MTUS2: variants seen among roughly 807,000 people sequenced by gnomAD.
MTUS2 encodes microtubule associated scaffold protein 2, also known as microtubule-associated tumor suppressor candidate 2.
In MTUS2, 40 loss-of-function variants were observed where a neutral mutation model predicts 114.1. The ratio of observed to expected loss-of-function variants is 0.35; its 90% CI spans 0.27 to 0.46. The LOEUF is 0.46. Ranked by LOEUF, MTUS2 falls within the 20% of genes least tolerant of loss-of-function variation. The pLI, the probability that MTUS2 is intolerant of heterozygous loss-of-function variation, is 1.00. For synonymous variants in MTUS2, 688 were observed against 672.0 expected (o/e 1.02, Z -0.37); for missense variants, 1,679 against 1,705.4 (o/e 0.98, Z 0.27).
chr13:29,017,571 A>C (rs902983166), intron 2 of MTUS2, among the ~76,000 whole-genome samples: 3 of 152,218 alleles, frequency 2.0e-5, no homozygotes, highest in African/African-American at 7.2e-5. Context: ...ACAAATACAA[A>C]TCAAACTGAT....
intron 5 of MTUS2, among the ~76,000 whole-genome samples, chr13:29,236,902 T>G (rs1896555624): frequency 6.6e-6 from 1 of 152,340 alleles, no homozygotes; most frequent in African/African-American, 2.4e-5. Context: ...TGTGAGCAAT[T>G]GTATCAATTC....
chr13:29,371,119 T>C (rs1451974531), intron 8 of MTUS2, among the ~76,000 whole-genome samples: 2 of 152,154 alleles, frequency 1.3e-5, no homozygotes, highest in Non-Finnish European at 2.9e-5. Flanking sequence ...TTCCAGGATT[T>C]AGAGGAAAAA....
intron 2 of MTUS2, among the ~76,000 whole-genome samples, chr13:28,868,678 G>GT: frequency 6.6e-6 from 1 of 152,282 alleles, no homozygotes; most frequent in Admixed American, 6.5e-5. Context: ...GCCACCATCA[G>GT]TGTCATTCTC....
At chr13:28,954,017 C>T (rs6490337) in intron 2 of MTUS2, among the ~76,000 whole-genome samples, 55,139 of 151,882 alleles carry the variant, frequency 0.36, 10,180 homozygotes, top group African/African-American at 0.43. Context: ...ATGGAGACTC[C>T]AGAAATAGAT....
At chr13:29,069,840 A>G (rs1888831776) in intron 4 of MTUS2, among the ~76,000 whole-genome samples, 1 of 152,000 alleles carries the variant, frequency 6.6e-6, no homozygotes. Context: ...AATAATTTGG[A>G]TTTTTTTTGT....
chr13:29,117,399 G>T (rs1463517241), intron 5 of MTUS2, among the ~76,000 whole-genome samples: 1 of 152,152 alleles, frequency 6.6e-6, no homozygotes, highest in Non-Finnish European at 1.5e-5. Flanking sequence ...TTCAAGAGCT[G>T]CCCTCCTCCA....
At chr13:28,921,867 G>A (rs1881060641) in intron 2 of MTUS2, among the ~76,000 whole-genome samples, 1 of 152,192 alleles carries the variant, frequency 6.6e-6, no homozygotes, top group African/African-American at 2.4e-5. Flanking sequence ...TCTCCCAAGT[G>A]CACGGATTTC....
chr13:29,208,136 C>T (rs1895270814), intron 5 of MTUS2, among the ~76,000 whole-genome samples: 1 of 151,948 alleles, frequency 6.6e-6, no homozygotes, highest in Non-Finnish European at 1.5e-5. Context: ...ATTTTAATTT[C>T]TTCCTGCCTG....
At chr13:28,888,419 CTTT>C (rs11447851) in intron 2 of MTUS2, among the ~76,000 whole-genome samples, 1 of 135,786 alleles carries the variant, frequency 7.4e-6, no homozygotes, top group Non-Finnish European at 1.6e-5. Context: ...CTCTTGGCAT[CTTT>C]TTTTTTTTTT....
chr13:29,316,821 C>G (rs1900010277), intron 6 of MTUS2, among the ~76,000 whole-genome samples: 1 of 152,206 alleles, frequency 6.6e-6, no homozygotes, highest in Non-Finnish European at 1.5e-5. Context: ...GTAACATACA[C>G]AGAAGCAACT....
At chr13:29,484,781 T>C (rs1318875618) in intron 10 of MTUS2, 1 of 152,384 alleles carries the variant, frequency 6.6e-6, no homozygotes, top group East Asian at 1.9e-4. Context: ...ATTTGAAATC[T>C]AAGTCTTCTC....
chr13:28,941,905 A>G (rs1239231248), intron 2 of MTUS2, among the ~76,000 whole-genome samples: 1 of 152,220 alleles, frequency 6.6e-6, no homozygotes, highest in Non-Finnish European at 1.5e-5. Context: ...GAAAATATTC[A>G]TTCACTGAGT....
intron 5 of MTUS2, among the ~76,000 whole-genome samples, chr13:29,161,277 G>T (rs1893084800): frequency 6.6e-6 from 1 of 152,154 alleles, no homozygotes; most frequent in African/African-American, 2.4e-5. Context: ...CCAAGATGTT[G>T]CTACTGGGGG....
intron 8 of MTUS2, among the ~76,000 whole-genome samples, chr13:29,414,541 T>G (rs1875524611): frequency 6.6e-6 from 1 of 151,822 alleles, no homozygotes; most frequent in Non-Finnish European, 1.5e-5. Flanking sequence ...CAATAGTTGT[T>G]TAATAATTGT....
At chr13:29,355,559 C>T (rs566912729) in intron 7 of MTUS2, among the ~76,000 whole-genome samples, 19 of 152,338 alleles carry the variant, frequency 1.2e-4, no homozygotes, top group Admixed American at 2.6e-4. Flanking sequence ...TGGCCAGGCT[C>T]CTACAGGACA....
intron 9 of MTUS2, among the ~76,000 whole-genome samples, chr13:29,446,994 C>T (rs1878332028): frequency 6.6e-6 from 1 of 152,056 alleles, no homozygotes; most frequent in Non-Finnish European, 1.5e-5. Flanking sequence ...CTGAAATGCT[C>T]CAAAATCCAA....
chr13:28,930,019 G>T (rs906067967), intron 2 of MTUS2, among the ~76,000 whole-genome samples: 1 of 152,076 alleles, frequency 6.6e-6, no homozygotes, highest in Non-Finnish European at 1.5e-5. Flanking sequence ...AGGAGGAGAG[G>T]GCAGAATCCC....
At chr13:28,977,617 A>C (rs909325728) in intron 2 of MTUS2, among the ~76,000 whole-genome samples, 2 of 152,224 alleles carry the variant, frequency 1.3e-5, no homozygotes, top group Non-Finnish European at 2.9e-5. Context: ...CTTCACATGT[A>C]CATCAATCAT....
Position 29,075,296 on chromosome 13 carries a change from C to G in MTUS2, c.2447-25477C>G, listed in dbSNP as rs530383142. ...GAGCAGCTCTGAACACACGTTGGTA[C>G]GGCTAAGTTGTTCCACTGTCTAAGT... On this transcript the variant is annotated intron_variant, in intron 4 of 15. Coordinates refer to ENST00000612955, the MANE Select transcript of MTUS2 (RefSeq NM_001033602.4). Among the ~76,000 whole-genome samples the G allele has an allele frequency of 2.6e-5, 3 of 116,458 alleles. No homozygotes were observed. In the South Asian group the frequency reaches 7.6e-4, roughly 30 times the overall value. 76.4% of individuals were successfully genotyped at this position (116,458 alleles called of 152,430 possible). A position where few individuals can be genotyped will look rare whatever the true frequency, so the allele number is the denominator to read the frequency against.
Sources: gnomAD v4.1 joint callset for allele counts (sites outside exome capture counted in the v4.1 genomes callset) on GRCh38, gnomAD v4.1.1 for gene constraint, MANE v1.5 for transcripts, NCBI Gene and HGNC (gene_info 2026-07-23, HGNC 2026-07-21) for gene names.